FAM91A1: variants seen among roughly 807,000 people sequenced by gnomAD.
FAM91A1 encodes the protein family with sequence similarity 91 member A1.
A neutral mutation model predicts 113.5 loss-of-function variants in FAM91A1; 41 were observed. That is an observed-to-expected ratio of 0.36 (90% CI 0.28 to 0.47). The LOEUF is 0.47. Among genes scored for constraint, FAM91A1 ranks in the 20% least tolerant of loss-of-function variants. FAM91A1 has a pLI of 1.00. For synonymous variants in FAM91A1, 307 were observed against 347.9 expected, an observed-to-expected ratio of 0.88 and a Z score of 1.31; for missense variants, 696 against 1,001.2, an observed-to-expected ratio of 0.70 and a Z score of 4.11.
intron 15 of FAM91A1, among the ~76,000 whole-genome samples, chr8:123,790,372 G>A (rs1815355493): frequency 6.6e-6 from 1 of 152,130 alleles, no homozygotes; most frequent in Non-Finnish European, 1.5e-5. Context: ...GGATTCAGTA[G>A]GTTTTGAGGT....
intron 6 of FAM91A1, among the ~76,000 whole-genome samples, chr8:123,778,984 TAC>T (rs1815053848): frequency 6.6e-6 from 1 of 152,202 alleles, no homozygotes; most frequent in Admixed American, 6.5e-5. Flanking sequence ...TTGGTTCAAG[TAC>T]AGTTATCTGG....
chr8:123,785,839 A>C, intron 11 of FAM91A1, 98 bp downstream of exon 11: 2 of 716,514 alleles, frequency 2.8e-6, no homozygotes, highest in Non-Finnish European at 4.3e-6. Flanking sequence ...ATTTATTGAG[A>C]CAAAGTCTCT....
At chr8:123,810,775 G>A (rs1461120105) in intron 23 of FAM91A1, 1 of 181,516 alleles carries the variant, frequency 5.5e-6, no homozygotes, top group African/African-American at 2.4e-5. Flanking sequence ...TTCTAGACTT[G>A]ATTTATAGGT....
At position 123,789,683 on chromosome 8, in the gene FAM91A1, T is replaced by A. The variant is rs750545884; in HGVS notation, c.1349T>A (p.Leu450Gln). The change falls in exon 15 of 24, where the codon CTG becomes CAG. Residue 450 changes from leucine (L) to glutamine (Q), a missense_variant. By Grantham distance (113) the Leu-to-Gln change is moderately radical. Transcript: ENST00000334705. ...GCACTTACTCTGAGAAACACAATAC[T>A]GTTTCTGCGTCATAACAAAGATCTA... Reference protein sequence around the residue: ...DHALTLRNTILFLRHNKDLVA... With the variant: ...DHALTLRNTIQFLRHNKDLVA... 6.2e-7 allele frequency: 1 copy of A among 1,613,018 alleles called. No homozygotes were observed. Among genetic ancestry groups the A allele is most frequent in the East Asian group, 2.2e-5 (1 of 44,850 alleles).
At chr8:123,798,330 C>A in intron 16 of FAM91A1, 92 bp downstream of exon 16, 2 of 1,410,158 alleles carry the variant, frequency 1.4e-6, no homozygotes, top group South Asian at 2.8e-5. Context: ...CTATTAAAAT[C>A]ACTGAATCAT....
At chr8:123,812,410 C>CACTAAAA in intron 23 of FAM91A1, 109 bp from the exon 24 acceptor site, 4 of 749,270 alleles carry the variant, frequency 5.3e-6, no homozygotes, top group Non-Finnish European at 5.8e-6. Context: ...TACTGCTTTG[C>CACTAAAA]AATCCATAAA....
At chr8:123,805,538 T>C (rs2130151347) in intron 19 of FAM91A1, among the ~76,000 whole-genome samples, 199 bp downstream of exon 19, 1 of 152,230 alleles carries the variant, frequency 6.6e-6, no homozygotes, top group African/African-American at 2.4e-5. Flanking sequence ...ATAAGACCCG[T>C]TTAGGATTTT....
intron 18 of FAM91A1, among the ~76,000 whole-genome samples, chr8:123,804,758 A>G (rs967483348): frequency 2.1e-4 from 32 of 152,154 alleles, no homozygotes; most frequent in Non-Finnish European, 2.5e-4. Context: ...CATTGAAGAT[A>G]TGTCTCCTAA....
intron 17 of FAM91A1, 23 bp downstream of exon 17, chr8:123,799,677 G>C (rs751559900): frequency 6.2e-7 from 1 of 1,612,628 alleles, no homozygotes; most frequent in Admixed American, 1.7e-5. Context: ...GGTTTGGGTG[G>C]TTTTTTTATG....
intron 23 of FAM91A1, 88 bp downstream of exon 23, chr8:123,810,439 C>G (rs1563650836): frequency 1.8e-6 from 2 of 1,112,914 alleles, no homozygotes; most frequent in Admixed American, 3.6e-5. Flanking sequence ...GTCACCACAG[C>G]AGCAAGATAT....
At chr8:123,769,026 CA>C (rs1432750181) in intron 1 of FAM91A1, among the ~76,000 whole-genome samples, 1 of 152,202 alleles carries the variant, frequency 6.6e-6, no homozygotes, top group African/African-American at 2.4e-5. Context: ...CCTTTGCCCG[CA>C]GGATACATTC....
At position 123,789,760 on chromosome 8, in the gene FAM91A1, T is replaced by A; in HGVS notation, c.1411+15T>A. ...ACCCAATTATGGTATGATAAATATATTTAATTTTGAAGACATGATCATATG... is the reference window on the plus strand; with the variant it reads ...ACCCAATTATGGTATGATAAATATAATTAATTTTGAAGACATGATCATATG... On this transcript the variant is annotated intron_variant, in intron 15 of 23. Transcript: ENST00000334705. 6.2e-7 allele frequency: 1 copy of A among 1,604,512 alleles called. No homozygotes were observed. The highest frequency in any genetic ancestry group is 8.5e-7 in the Non-Finnish European group (1 of 1,175,166).
intron 9 of FAM91A1, 68 bp from the exon 10 acceptor site, chr8:123,785,013 C>T (rs1166031617): frequency 3.5e-6 from 4 of 1,157,272 alleles, no homozygotes; most frequent in Non-Finnish European, 3.7e-6. Context: ...TTATATTGGT[C>T]TATTACAACT....
chr8:123,798,019 A>T, intron 15 of FAM91A1, 71 bp from the exon 16 acceptor site: 1 of 1,489,898 alleles, frequency 6.7e-7, no homozygotes. Context: ...AGTTATCAAT[A>T]TTGCATCTTC....
chr8:123,779,305 A>G (rs556591883), intron 6 of FAM91A1, among the ~76,000 whole-genome samples: 56 of 152,322 alleles, frequency 3.7e-4, no homozygotes, highest in African/African-American at 1.3e-3. Flanking sequence ...ATCACTGCAA[A>G]GAACTGTTGT....
chr8:123,799,266 G>A (rs1312548316), intron 16 of FAM91A1, among the ~76,000 whole-genome samples: 2 of 152,180 alleles, frequency 1.3e-5, no homozygotes, highest in African/African-American at 4.8e-5. Flanking sequence ...GAGGTGATAT[G>A]GCTGGAAGGG....
chr8:123,805,709 G>A (rs1815786953), intron 19 of FAM91A1, among the ~76,000 whole-genome samples: 1 of 152,174 alleles, frequency 6.6e-6, no homozygotes, highest in South Asian at 2.1e-4. Flanking sequence ...TGCAGATAGT[G>A]ACAACAGGAT....
At chr8:123,796,949 A>G (rs1815537033) in intron 15 of FAM91A1, among the ~76,000 whole-genome samples, 1 of 151,748 alleles carries the variant, frequency 6.6e-6, no homozygotes, top group African/African-American at 2.4e-5. Context: ...TAGTCCCAGC[A>G]GCTTGGGAGG....
chr8:123,785,513 A>G, intron 10 of FAM91A1, 116 bp from the exon 11 acceptor site: 1 of 709,276 alleles, frequency 1.4e-6, no homozygotes. Context: ...GTTTCTGGTT[A>G]CGGGATGAAA....
Sources: allele counts gnomAD v4.1 joint callset (sites outside exome capture counted in the v4.1 genomes callset), GRCh38; gene constraint gnomAD v4.1.1; transcripts MANE v1.5; gene names NCBI Gene and HGNC (gene_info 2026-07-23, HGNC 2026-07-21).